Variants in COL5A2 observed in about 807,000 individuals in gnomAD.
COL5A2 encodes the protein collagen alpha-2(V) chain.
COL5A2 carries 23 observed loss-of-function variants against 208.2 expected under a neutral mutation model. The observed-to-expected ratio is 0.11, with a 90% CI of 0.08 to 0.16. COL5A2 has a LOEUF of 0.16. COL5A2 is among the 10% of genes least tolerant of loss of function. COL5A2 has a pLI of 1.00. For synonymous variants in COL5A2, 625 were observed against 628.5 expected (o/e 0.99, Z 0.08); for missense variants, 1,590 against 1,956.4 (o/e 0.81, Z 3.53).
At chr2:189,191,703 CT>C (rs1206527103) in intron 1 of COL5A2, among the ~76,000 whole-genome samples, 6 of 151,986 alleles carry the variant, frequency 3.9e-5, no homozygotes, top group Admixed American at 1.3e-4. Context: ...CTTAACAATA[CT>C]TTCATCTTTT....
intron 1 of COL5A2, among the ~76,000 whole-genome samples, chr2:189,208,825 ATCT>A (rs1027914717): frequency 6.6e-6 from 1 of 152,140 alleles, no homozygotes; most frequent in Admixed American, 6.5e-5. Flanking sequence ...GATGCTGCAA[ATCT>A]TCTTTTATCA....
chr2:189,183,374 T>G (rs1688807154), upstream of COL5A2, among the ~76,000 whole-genome samples: 1 of 152,218 alleles, frequency 6.6e-6, no homozygotes, highest in African/African-American at 2.4e-5. Flanking sequence ...CACTATCAGC[T>G]TTTTTCCCTT....
chr2:189,097,522 G>C, intron 5 of COL5A2, 192 bp from the exon 6 acceptor site: 1 of 696,982 alleles, frequency 1.4e-6, no homozygotes, highest in Non-Finnish European at 2.6e-6. Flanking sequence ...TATGTTATCA[G>C]TGACATTTAA....
At chr2:189,312,054 T>G in the COL5A2 span, 1 of 761,568 alleles carries the variant, frequency 1.3e-6, no homozygotes, top group Non-Finnish European at 2.4e-6. Flanking sequence ...TCTGAAGTCA[T>G]CAGCAGCAAG....
the COL5A2 span, among the ~76,000 whole-genome samples, chr2:189,370,586 G>A: frequency 1.3e-4 from 19 of 151,742 alleles, no homozygotes; most frequent in African/African-American, 3.9e-4. Context: ...CACACAACAC[G>A]TGACACAGAA....
chr2:189,114,921 G>A (rs952654084), intron 1 of COL5A2, among the ~76,000 whole-genome samples: 3 of 151,084 alleles, frequency 2.0e-5, no homozygotes, highest in Middle Eastern at 3.2e-3. Context: ...AAAAAAGAAC[G>A]CCAAAACTAT....
At chr2:189,131,464 A>G (rs888340449) in intron 1 of COL5A2, among the ~76,000 whole-genome samples, 4 of 152,134 alleles carry the variant, frequency 2.6e-5, no homozygotes, top group African/African-American at 9.7e-5. Flanking sequence ...TTCTTGGGTG[A>G]AAAAAATGTC....
chr2:189,327,096 T>TAAA, the COL5A2 span, among the ~76,000 whole-genome samples: 3 of 145,062 alleles, frequency 2.1e-5, no homozygotes, highest in African/African-American at 7.6e-5. Flanking sequence ...ATAATAATAA[T>TAAA]AAATAAAAAA....
intron 1 of COL5A2, among the ~76,000 whole-genome samples, chr2:189,116,747 T>A (rs989431853): frequency 6.6e-6 from 1 of 152,200 alleles, no homozygotes; most frequent in South Asian, 2.1e-4. Flanking sequence ...GCTCCTTTTT[T>A]CCTTGTACCA....
At chr2:189,408,792 A>G in the COL5A2 span, among the ~76,000 whole-genome samples, 1 of 152,160 alleles carries the variant, frequency 6.6e-6, no homozygotes, top group Non-Finnish European at 1.5e-5. Flanking sequence ...AATTAACCAC[A>G]TTATACTGAG....
intron 1 of COL5A2, among the ~76,000 whole-genome samples, chr2:189,140,038 A>T (rs1409787541): frequency 6.6e-6 from 1 of 151,996 alleles, no homozygotes; most frequent in Non-Finnish European, 1.5e-5. Flanking sequence ...GCGCCGCTGC[A>T]CTCCAGTCTG....
At chr2:189,257,618 T>C in the COL5A2 span, among the ~76,000 whole-genome samples, 1 of 152,172 alleles carries the variant, frequency 6.6e-6, no homozygotes, top group African/African-American at 2.4e-5. Context: ...GTTAAACAAT[T>C]TTAAGATGTG....
At chr2:189,341,735 A>G in the COL5A2 span, among the ~76,000 whole-genome samples, 1 of 152,160 alleles carries the variant, frequency 6.6e-6, no homozygotes, top group Non-Finnish European at 1.5e-5. Flanking sequence ...AACTACACAC[A>G]CTAACAGTGA....
chr2:189,100,467 G>A (rs1043174793), intron 3 of COL5A2, among the ~76,000 whole-genome samples: 4 of 151,858 alleles, frequency 2.6e-5, no homozygotes, highest in South Asian at 4.2e-4. Flanking sequence ...CAAAGCACCA[G>A]AGGAAAAACT....
At chr2:189,324,694 T>C in the COL5A2 span, among the ~76,000 whole-genome samples, 1 of 152,270 alleles carries the variant, frequency 6.6e-6, no homozygotes, top group African/African-American at 2.4e-5. Flanking sequence ...TGTGGAGAAA[T>C]AGGAACACTT....
the COL5A2 span, among the ~76,000 whole-genome samples, chr2:189,284,588 C>T: frequency 6.6e-6 from 1 of 152,108 alleles, no homozygotes; most frequent in Non-Finnish European, 1.5e-5. Flanking sequence ...CACTTCCCAC[C>T]AGGCCCCTCC....
the COL5A2 span, among the ~76,000 whole-genome samples, chr2:189,423,457 T>C: frequency 6.6e-6 from 1 of 151,474 alleles, no homozygotes; most frequent in Middle Eastern, 3.2e-3. Flanking sequence ...AGTTAGTATT[T>C]TGAAAAGATT....
intron 25 of COL5A2, 92 bp downstream of exon 25, chr2:189,064,465 A>G: frequency 2.2e-6 from 2 of 893,246 alleles, no homozygotes; most frequent in Non-Finnish European, 3.7e-6. Flanking sequence ...CTGTAAAAAC[A>G]AACTAAATTT....
chr2:189,117,497 T>C (rs1030274377), intron 1 of COL5A2, among the ~76,000 whole-genome samples: 2 of 152,086 alleles, frequency 1.3e-5, no homozygotes, highest in Non-Finnish European at 2.9e-5. Context: ...GTCTACTTAA[T>C]CTCTCCTAGC....
Sources: gnomAD v4.1 joint callset for allele counts (sites outside exome capture counted in the v4.1 genomes callset) on GRCh38, gnomAD v4.1.1 for gene constraint, MANE v1.5 for transcripts, NCBI Gene and HGNC (gene_info 2026-07-23, HGNC 2026-07-21) for gene names.